LHX8: variants seen among roughly 807,000 people sequenced by gnomAD.
LHX8 encodes LIM homeobox 8, also known as LIM/homeobox protein Lhx8.
Under a neutral mutation model 40.3 loss-of-function variants are expected in LHX8, and 12 were observed. The observed-to-expected ratio is 0.30, with a 90% confidence interval of 0.19 to 0.48. LHX8 has a LOEUF of 0.48. Ranked by LOEUF, LHX8 falls within the 20% of genes least tolerant of loss-of-function variation. The probability of loss-of-function intolerance (pLI) is 0.99; values close to 1 mark genes in which losing one functional copy is unlikely to be tolerated. For missense variants in LHX8, 344 were observed against 433.7 expected (o/e 0.79, Z 1.84); for synonymous variants, 179 against 162.0 (o/e 1.10, Z -0.80).
chr1:75,197,285 C>A, the LHX8 span, among the ~76,000 whole-genome samples: 1 of 152,098 alleles, frequency 6.6e-6, no homozygotes. Context: ...ATATTATCTA[C>A]TTCTCTCTAT....
At position 75,140,968 on chromosome 1, in the gene LHX8, T is replaced by C; in HGVS notation, c.238-17T>C. 1 of 1,613,258 alleles carries C rather than the reference T, an allele frequency of 6.2e-7. No homozygotes were observed. Among genetic ancestry groups the C allele is most frequent in the East Asian group, 2.2e-5 (1 of 44,816 alleles). ...TTCTTAAATATGATATTACAATGGC[T>C]TCTCTTCCCTTCACAGGTGAATGAC... On this transcript the variant is annotated splice_polypyrimidine_tract_variant and intron_variant, in intron 3 of 8. Coordinates refer to ENST00000356261, the MANE Select transcript of LHX8 (RefSeq NM_001256114.2).
At chr1:75,142,188 T>C (rs1290304158) in intron 4 of LHX8, among the ~76,000 whole-genome samples, 7 of 152,164 alleles carry the variant, frequency 4.6e-5, no homozygotes, top group Admixed American at 2.0e-4. Flanking sequence ...TCTAGTTCTT[T>C]AGGATTTTTA....
chr1:75,129,834 G>A (rs1469557484), upstream of LHX8: 3 of 152,214 alleles, frequency 2.0e-5, no homozygotes, highest in Non-Finnish European at 4.4e-5. Flanking sequence ...CGAACTCCAG[G>A]CTATATCTGC....
chr1:75,167,039 T>C, the LHX8 span, among the ~76,000 whole-genome samples: 10 of 152,234 alleles, frequency 6.6e-5, no homozygotes, highest in South Asian at 1.2e-3. Context: ...ACTTGCCTGC[T>C]TGTGTTCTAA....
intron 7 of LHX8, among the ~76,000 whole-genome samples, chr1:75,150,059 T>C (rs1648564759): frequency 6.6e-6 from 1 of 152,062 alleles, no homozygotes; most frequent in South Asian, 2.1e-4. Flanking sequence ...CTAGGCAAGA[T>C]GGTGAAACCC....
chr1:75,159,142 ATTTTC>A (rs1197737934), intron 8 of LHX8: 1 of 152,038 alleles, frequency 6.6e-6, no homozygotes, highest in East Asian at 1.9e-4. Context: ...ATTGGTAGTT[ATTTTC>A]TTTCAGCACT....
the LHX8 span, among the ~76,000 whole-genome samples, chr1:75,198,517 A>G: frequency 6.6e-6 from 1 of 152,146 alleles, no homozygotes; most frequent in African/African-American, 2.4e-5. Context: ...TCAGTTGAGG[A>G]AGCCTTTGAG....
At chr1:75,197,404 T>C in the LHX8 span, among the ~76,000 whole-genome samples, 1 of 152,156 alleles carries the variant, frequency 6.6e-6, no homozygotes, top group South Asian at 2.1e-4. Context: ...CTCTTTTGAT[T>C]TGATTCGATT....
the LHX8 span, among the ~76,000 whole-genome samples, chr1:75,181,510 C>G: frequency 6.6e-6 from 1 of 152,186 alleles, no homozygotes; most frequent in African/African-American, 2.4e-5. Context: ...GAGCCAGGCA[C>G]GGGATACAAT....
the LHX8 span, among the ~76,000 whole-genome samples, chr1:75,185,232 G>T: frequency 2.0e-5 from 3 of 151,746 alleles, no homozygotes; most frequent in Admixed American, 6.6e-5. Flanking sequence ...TGAGGAGGAG[G>T]GACTCCTCCT....
intron 7 of LHX8, among the ~76,000 whole-genome samples, chr1:75,151,794 A>G (rs752716029): frequency 1.3e-5 from 2 of 152,240 alleles, no homozygotes; most frequent in Non-Finnish European, 2.9e-5. Context: ...TTGGAAGCAA[A>G]GAAGAAGGAG....
chr1:75,154,125 G>C (rs894274291), intron 7 of LHX8, among the ~76,000 whole-genome samples: 1 of 152,168 alleles, frequency 6.6e-6, no homozygotes, highest in Admixed American at 6.5e-5. Context: ...TTGCAAACAA[G>C]AAGGAGGAAA....
chr1:75,179,499 G>GTTTTTTTTTTTTTTTTTTTTTTTT, the LHX8 span, among the ~76,000 whole-genome samples: 1 of 107,182 alleles, frequency 9.3e-6, no homozygotes, highest in Non-Finnish European at 1.9e-5. Context: ...TGCAACCCCT[G>GTTTTTTTTTTTTTTTTTTTTTTTT]TTGTTTTTTT....
At chr1:75,160,458 A>T in intron 8 of LHX8, 1 of 265,062 alleles carries the variant, frequency 3.8e-6, no homozygotes, top group South Asian at 5.4e-5. Context: ...TTAATGAAAG[A>T]AACTTGGGGA....
chr1:75,130,391 C>G (rs1045489924), upstream of LHX8: 2 of 483,772 alleles, frequency 4.1e-6, no homozygotes, highest in Middle Eastern at 5.8e-4. Flanking sequence ...CTGGCCCCAG[C>G]TGGCGCATCA....
At chr1:75,196,474 AC>A in the LHX8 span, among the ~76,000 whole-genome samples, 2 of 152,182 alleles carry the variant, frequency 1.3e-5, no homozygotes, top group African/African-American at 4.8e-5. Flanking sequence ...TGGCTGGGGA[AC>A]AAATGACAGC....
the LHX8 span, among the ~76,000 whole-genome samples, chr1:75,187,549 A>G: frequency 6.6e-6 from 1 of 152,112 alleles, no homozygotes; most frequent in African/African-American, 2.4e-5. Context: ...ATCTCAATTC[A>G]AGGGAAAGAG....
chr1:75,190,257 A>G, the LHX8 span, among the ~76,000 whole-genome samples: 1 of 152,188 alleles, frequency 6.6e-6, no homozygotes, highest in Non-Finnish European at 1.5e-5. Flanking sequence ...TTTTTTCTTT[A>G]TAACCTAAAA....
At chr1:75,141,234 A>G in intron 4 of LHX8, 128 bp downstream of exon 4, 2 of 966,106 alleles carry the variant, frequency 2.1e-6, no homozygotes, top group Admixed American at 2.3e-5. Flanking sequence ...AGAGATTTCA[A>G]AATGAGGGTG....
Sources: gnomAD v4.1 joint callset for allele counts (sites outside exome capture counted in the v4.1 genomes callset) on GRCh38, gnomAD v4.1.1 for gene constraint, MANE v1.5 for transcripts, NCBI Gene and HGNC (gene_info 2026-07-23, HGNC 2026-07-21) for gene names.